Variants in SCMH1 observed in about 807,000 individuals in gnomAD.
SCMH1 encodes polycomb protein SCMH1.
In SCMH1, 37 loss-of-function variants were observed where a neutral mutation model predicts 70.8. The observed-to-expected ratio is 0.52, with a 90% confidence interval of 0.40 to 0.69. The LOEUF (loss-of-function observed/expected upper bound fraction) is 0.69, where lower values mean the gene tolerates loss of function less well. Ranked by LOEUF, SCMH1 falls within the 30% of genes least tolerant of loss-of-function variation. SCMH1 has a pLI of 0.00. For synonymous variants in SCMH1, 292 were observed against 307.4 expected (o/e 0.95, Z 0.52); for missense variants, 607 against 827.3 (o/e 0.73, Z 3.27).
chr1:41,028,421 C>A, intron 14 of SCMH1, 102 bp from the exon 16 acceptor site: 3 of 1,531,156 alleles, frequency 2.0e-6, no homozygotes, highest in Non-Finnish European at 2.7e-6. Context: ...CTGGGAAGTG[C>A]CCGCCACATG....
At chr1:41,230,255 T>C (rs1167152734) in intron 1 of SCMH1, among the ~76,000 whole-genome samples, 3 of 152,126 alleles carry the variant, frequency 2.0e-5, no homozygotes, top group East Asian at 3.9e-4. Flanking sequence ...AGAAGAACTA[T>C]GGTGGCTTAG....
At chr1:41,128,016 T>C (rs1572401294) in intron 6 of SCMH1, among the ~76,000 whole-genome samples, 2 of 152,196 alleles carry the variant, frequency 1.3e-5, no homozygotes, top group East Asian at 3.8e-4. Flanking sequence ...ACACTACCTT[T>C]ATCATATAGC....
At chr1:41,236,801 C>T (rs1553189458) in intron 1 of SCMH1, among the ~76,000 whole-genome samples, 1 of 152,142 alleles carries the variant, frequency 6.6e-6, no homozygotes, top group Non-Finnish European at 1.5e-5. Context: ...GGAATAATGA[C>T]AAGAAAAAAG....
At chr1:41,065,703 T>C (rs905330803) in intron 10 of SCMH1, among the ~76,000 whole-genome samples, 1 of 151,778 alleles carries the variant, frequency 6.6e-6, no homozygotes, top group Admixed American at 6.6e-5. Context: ...GTAAAGGCAA[T>C]ACAATAAAAA....
intron 13 of SCMH1, among the ~76,000 whole-genome samples, chr1:41,031,938 T>C (rs1644583145): frequency 6.6e-6 from 1 of 152,152 alleles, no homozygotes; most frequent in Admixed American, 6.5e-5. Flanking sequence ...ACCCACATGA[T>C]AATATATATT....
chr1:41,186,182 T>C (rs756073517), exon 2 of SCMH1: 141 of 1,052,980 alleles, frequency 1.3e-4, no homozygotes, highest in South Asian at 9.2e-4. Context: ...TTGGGATTTA[T>C]CCCTGGATCC....
At chr1:41,178,648 A>G (rs1647731361) in intron 2 of SCMH1, among the ~76,000 whole-genome samples, 1 of 152,258 alleles carries the variant, frequency 6.6e-6, no homozygotes, top group South Asian at 2.1e-4. Context: ...AGGCCATTAC[A>G]TAATAGTAAA....
intron 10 of SCMH1, among the ~76,000 whole-genome samples, chr1:41,058,758 CT>C (rs1169690244): frequency 6.6e-6 from 1 of 152,118 alleles, no homozygotes; most frequent in Non-Finnish European, 1.5e-5. Context: ...TTAGTAAGTG[CT>C]TGGCAAATCT....
At chr1:41,236,493 G>C (rs547021773) in intron 1 of SCMH1, among the ~76,000 whole-genome samples, 4 of 152,186 alleles carry the variant, frequency 2.6e-5, no homozygotes, top group Non-Finnish European at 5.9e-5. Context: ...GGCTGGAAGA[G>C]AGTAAAAGGA....
At chr1:41,084,328 AC>A (rs1660929540) in intron 8 of SCMH1, among the ~76,000 whole-genome samples, 1 of 152,184 alleles carries the variant, frequency 6.6e-6, no homozygotes, top group African/African-American at 2.4e-5. Flanking sequence ...ACATGAACAG[AC>A]CCTTCTCAAA....
chr1:41,055,367 T>C (rs934143712), intron 10 of SCMH1, among the ~76,000 whole-genome samples: 8 of 151,640 alleles, frequency 5.3e-5, no homozygotes, highest in African/African-American at 2.4e-5. Context: ...TCTTTTTTTT[T>C]GAGATGGAGT....
At chr1:41,070,073 GTTCT>G (rs1655955053) in intron 10 of SCMH1, among the ~76,000 whole-genome samples, 1 of 152,132 alleles carries the variant, frequency 6.6e-6, no homozygotes, top group African/African-American at 2.4e-5. Flanking sequence ...TCTGCGCACA[GTTCT>G]TTTAGTTACT....
At chr1:41,133,544 A>G (rs1271977759) in intron 6 of SCMH1, among the ~76,000 whole-genome samples, 1 of 152,190 alleles carries the variant, frequency 6.6e-6, no homozygotes. Context: ...TGCTAGCAAG[A>G]CTAATAAAGA....
intron 5 of SCMH1, among the ~76,000 whole-genome samples, chr1:41,146,351 C>G (rs1644564254): frequency 6.6e-6 from 1 of 151,938 alleles, no homozygotes. Flanking sequence ...CTAAGGTTAA[C>G]TCTTTACTGA....
intron 6 of SCMH1, among the ~76,000 whole-genome samples, chr1:41,118,394 T>C (rs2147921120): frequency 6.6e-6 from 1 of 152,250 alleles, no homozygotes; most frequent in South Asian, 2.1e-4. Context: ...ATCTGGACAG[T>C]AGAGTATGAA....
chr1:41,028,961 T>C (rs1272555377), intron 13 of SCMH1, among the ~76,000 whole-genome samples: 6 of 152,116 alleles, frequency 3.9e-5, no homozygotes, highest in East Asian at 1.9e-4. Flanking sequence ...AAATTTTGCA[T>C]TGAGGCTATG....
exon 6 of SCMH1, chr1:41,142,947 C>A: frequency 6.2e-7 from 1 of 1,614,166 alleles, no homozygotes. Context: ...GCTGAGTCAA[C>A]CAGCCGCCAG....
chr1:41,071,657 A>G (rs980065852), intron 9 of SCMH1, among the ~76,000 whole-genome samples: 9 of 129,040 alleles, frequency 7.0e-5, no homozygotes, highest in South Asian at 2.4e-4. Flanking sequence ...TCTAAGAAAT[A>G]GTTTCCTAAA....
intron 6 of SCMH1, among the ~76,000 whole-genome samples, chr1:41,132,393 T>C (rs1053257045): frequency 2.6e-4 from 40 of 152,156 alleles, no homozygotes; most frequent in African/African-American, 9.4e-4. Context: ...TTTGATGGGA[T>C]TGTTTGTGTT....
Sources: allele counts gnomAD v4.1 joint callset (sites outside exome capture counted in the v4.1 genomes callset), GRCh38; gene constraint gnomAD v4.1.1; transcripts MANE v1.5; gene names NCBI Gene and HGNC (gene_info 2026-07-23, HGNC 2026-07-21).